The following ASAH2 variants were observed in gnomAD, a reference collection of about 807,000 sequenced individuals.
ASAH2 encodes the protein neutral ceramidase.
Under a neutral mutation model 82.9 loss-of-function variants are expected in ASAH2, and 58 were observed. The observed-to-expected ratio is 0.70, with a 90% CI of 0.57 to 0.87. The LOEUF is 0.87. Ranked by LOEUF, ASAH2 falls within the 40% of genes least tolerant of loss-of-function variation. The pLI, the probability that ASAH2 is intolerant of heterozygous loss-of-function variation, is 0.00. For synonymous variants in ASAH2, 276 were observed against 289.7 expected, an observed-to-expected ratio of 0.95 and a Z score of 0.48; for missense variants, 779 against 834.0, an observed-to-expected ratio of 0.93 and a Z score of 0.81.
At chr10:50,248,708 T>C (rs1846538570) in intron 1 of ASAH2, 62 bp from the exon 2 acceptor site, 3 of 1,272,744 alleles carry the variant, frequency 2.4e-6, no homozygotes, top group Non-Finnish European at 3.2e-6. Context: ...GGTTAAGATA[T>C]CTTAGCTCTT....
intron 4 of ASAH2, among the ~76,000 whole-genome samples, chr10:50,241,486 G>C: frequency 6.6e-6 from 1 of 152,086 alleles, no homozygotes; most frequent in East Asian, 1.9e-4. Context: ...AGTGACACTA[G>C]CAAAGTACCT....
chr10:50,210,562 A>G (rs1247031340), intron 12 of ASAH2, among the ~76,000 whole-genome samples: 4 of 152,164 alleles, frequency 2.6e-5, no homozygotes, highest in African/African-American at 9.7e-5. Flanking sequence ...AAGTGAAAGA[A>G]GCCAACAAAA....
Position 50,248,648 on chromosome 10 carries a change from T to G in ASAH2, c.-36-2A>C. Reference sequence around the variant, plus strand: ...ACAGCAGAGATGGAAGAAGAAATACTGAAGAGGAAGAAATCACAAATTAAA... The same window carrying G: ...ACAGCAGAGATGGAAGAAGAAATACGGAAGAGGAAGAAATCACAAATTAAA... On this transcript the variant is annotated splice_acceptor_variant, in intron 1 of 20. Transcript: ENST00000682911. LOFTEE classifies it low-confidence loss of function (5UTR_SPLICE). 1 of 1,594,690 alleles carries G rather than the reference T, an allele frequency of 6.3e-7. No individual in the cohort carries two copies.
chr10:50,208,379 T>G (rs1845361084), intron 12 of ASAH2, among the ~76,000 whole-genome samples: 1 of 152,032 alleles, frequency 6.6e-6, no homozygotes, highest in South Asian at 2.1e-4. Flanking sequence ...ATTTCTATTT[T>G]AAGATGACAT....
At chr10:50,204,368 A>C (rs1010129151) in intron 14 of ASAH2, among the ~76,000 whole-genome samples, 236 of 152,092 alleles carry the variant, frequency 1.6e-3, no homozygotes, top group African/African-American at 4.5e-3. Context: ...TGTTGGGTAG[A>C]GTGTACAAAA....
In ASAH2 at chr10:50,214,735, T is replaced by G. The variant is rs1845550397; in HGVS notation, c.1140+8A>C. The stretch of plus-strand genomic sequence containing the variant: ...AAAACAAAGATTTCATGTGTCATAA[T>G]TACCTACCCCACCAATGGGACAAGT... On this transcript the variant is annotated splice_region_variant and intron_variant, in intron 9 of 20. Coordinates refer to ENST00000682911, the MANE Select transcript of ASAH2 (RefSeq NM_019893.4). 6.2e-7 allele frequency: 1 copy of G among 1,613,490 alleles called. No homozygotes were observed. The highest frequency in any genetic ancestry group is 1.3e-5 in the African/African-American group (1 of 74,912).
At chr10:50,206,210 AGG>A in intron 12 of ASAH2, 113 bp from the exon 13 acceptor site, 1 of 844,712 alleles carries the variant, frequency 1.2e-6, no homozygotes, top group Non-Finnish European at 2.0e-6. Flanking sequence ...GATTTTATTG[AGG>A]TTGTTGTTCA....
At chr10:50,210,220 G>A (rs943144322) in intron 12 of ASAH2, among the ~76,000 whole-genome samples, 3 of 152,062 alleles carry the variant, frequency 2.0e-5, no homozygotes, top group Non-Finnish European at 4.4e-5. Flanking sequence ...AAAGAATGAG[G>A]CTGGGAGCAG....
intron 12 of ASAH2, among the ~76,000 whole-genome samples, chr10:50,208,369 A>T (rs1277210163): frequency 2.6e-5 from 4 of 152,030 alleles, no homozygotes; most frequent in Non-Finnish European, 5.9e-5. Context: ...AACTATTAAT[A>T]TTTCTATTTT....
chr10:50,206,084 C>G lies in ASAH2; in HGVS notation c.1428G>C (p.Gly476=), dbSNP rs947024126. 1.2e-6 allele frequency: 2 copies of G among 1,611,438 alleles called. No homozygotes were observed. Among genetic ancestry groups the G allele is most frequent in the Middle Eastern group, 1.7e-4 (1 of 6,044 alleles). The change falls in exon 13 of 21, where the codon GGG becomes GGC. Residue 476 remains glycine (G), a synonymous_variant. Coordinates refer to ENST00000682911, the MANE Select transcript of ASAH2 (RefSeq NM_019893.4). ...CCCGAATGGTGTCCCAAAATGGATC[C>G]CCTTCTGTTTTCCCTATTAGAAATG... ...GLNFTQGKTE[G]DPFWDTIRDQ...
Position 50,236,018 on chromosome 10 carries a change from T to A in ASAH2, c.557A>T (p.Asp186Val). ...QSKYGSLYRR[D>V]NVILSGTHTH... ...GTGAGTGCCACTCAGGATGACATTA[T>A]CTCTTCTGTACAGGGAGCCATATTT... is the stretch of plus-strand genomic sequence containing the variant. Residue 186 changes from aspartate to valine, a missense_variant, in exon 5 of 21, where the codon GAT (aspartate) becomes GTT (valine). This residue lies in a region of ASAH2 where 759 missense variants were observed against 755.2 expected (regional missense o/e 1.00). Transcript: ENST00000682911. The A allele has an allele frequency of 6.2e-7, 1 of 1,613,302 alleles. No homozygotes were observed. The highest frequency in any genetic ancestry group is 8.5e-7 in the Non-Finnish European group (1 of 1,179,434).
chr10:50,245,595 A>G (rs1173178579), intron 2 of ASAH2, 141 bp from the exon 3 acceptor site: 2 of 752,420 alleles, frequency 2.7e-6, no homozygotes, highest in East Asian at 5.5e-5. Flanking sequence ...ATAGACAGGA[A>G]CAGCTCAAGA....
At chr10:50,244,882 A>C (rs1846404425) in intron 3 of ASAH2, among the ~76,000 whole-genome samples, 4 of 149,482 alleles carry the variant, frequency 2.7e-5, no homozygotes, top group African/African-American at 7.4e-5. Context: ...ACTACCTCCC[A>C]CCCCCAAACT....
At position 50,245,907 on chromosome 10, in the gene ASAH2, G is replaced by A. The variant is rs905895604; in HGVS notation, c.128-453C>T. On this transcript the variant is annotated intron_variant, in intron 2 of 20. Transcript: ENST00000682911. The stretch of plus-strand genomic sequence containing the variant: ...GTCCATTTCCATCACAGCTAGATCC[G>A]ACTCAACTCCTCACCTGCAGGATGC... Among the ~76,000 whole-genome samples, 7 of 152,020 alleles carry A rather than the reference G, an allele frequency of 4.6e-5. No individual in the cohort carries two copies. In the South Asian group the frequency reaches 1.0e-3, roughly 23 times the overall value.
chr10:50,206,193 T>A (rs1845291612), intron 12 of ASAH2, 96 bp from the exon 13 acceptor site: 1 of 923,100 alleles, frequency 1.1e-6, no homozygotes, highest in Non-Finnish European at 1.8e-6. Flanking sequence ...TTTTAAGGAG[T>A]TTCAGAGATT....
At chr10:50,215,130 A>G (rs1367368194) in intron 8 of ASAH2, among the ~76,000 whole-genome samples, 14 of 152,220 alleles carry the variant, frequency 9.2e-5, no homozygotes, top group Non-Finnish European at 1.9e-4. Context: ...TTTAGTCATG[A>G]AGTCTTTACC....
At chr10:50,205,413 C>T (rs1165735484) in intron 13 of ASAH2, among the ~76,000 whole-genome samples, 1 of 151,954 alleles carries the variant, frequency 6.6e-6, no homozygotes, top group Non-Finnish European at 1.5e-5. Flanking sequence ...TCTATTCCTT[C>T]CTTTCCTCTC....
At position 50,203,746 on chromosome 10, in the gene ASAH2, G is replaced by T. The variant is rs1033041372; in HGVS notation, c.1626-67C>A. ...CGTATGCAGAGTACACAGAAACACT[G>T]GCAGTGAAAGCCAAAAAATTACCCT... On this transcript the variant is annotated intron_variant, in intron 14 of 20. Coordinates refer to ENST00000682911, the MANE Select transcript of ASAH2 (RefSeq NM_019893.4). The T allele has an allele frequency of 2.1e-3, 3,007 of 1,424,618 alleles. 47 individuals carry two copies. The African/African-American group carries it at 0.035, about 17-fold the overall frequency. 88.2% of individuals were successfully genotyped at this position (1,424,618 alleles called of 1,614,324 possible).
rs182255923 is a variant in ASAH2, at chr10:50,241,369, T to C, written c.510+1833A>G. The stretch of plus-strand genomic sequence containing the variant: ...CTTTGGTTAATTATAGCTAACTGTA[T>C]ATTTCTGTGTATCTCTATATTTCAT... On this transcript the variant is annotated intron_variant, in intron 4 of 20. Coordinates refer to ENST00000682911, the MANE Select transcript of ASAH2 (RefSeq NM_019893.4). Among the ~76,000 whole-genome samples, 12 of 152,316 alleles carry C rather than the reference T, an allele frequency of 7.9e-5. No homozygotes were observed. In the East Asian group the frequency reaches 1.9e-3, roughly 25 times the overall value.
Sources: allele counts gnomAD v4.1 joint callset (sites outside exome capture counted in the v4.1 genomes callset), GRCh38; gene constraint gnomAD v4.1.1; regional missense constraint gnomAD v4.1.1; transcripts MANE v1.5; gene names NCBI Gene and HGNC (gene_info 2026-07-23, HGNC 2026-07-21).